The following CCDC32 variants were observed in gnomAD, a reference collection of about 807,000 sequenced individuals.
CCDC32 encodes coiled-coil domain-containing protein 32.
CCDC32 carries 9 observed loss-of-function variants against 20.1 expected under a neutral mutation model. The observed-to-expected ratio is 0.45, with a 90% CI of 0.27 to 0.78. The LOEUF is 0.78. Ranked by LOEUF, CCDC32 falls within the 30% of genes least tolerant of loss-of-function variation. CCDC32 has a pLI of 0.16. For missense variants in CCDC32, 204 were observed against 215.5 expected (o/e 0.95, Z 0.33); for synonymous variants, 63 against 79.0 (o/e 0.80, Z 1.07).
downstream of CCDC32, among the ~76,000 whole-genome samples, chr15:40,525,739 C>T (rs1319673102): frequency 6.6e-6 from 1 of 152,158 alleles, no homozygotes; most frequent in Non-Finnish European, 1.5e-5. Context: ...GCTTTGAGTG[C>T]AGAGACCCAG....
intron 2 of CCDC32, among the ~76,000 whole-genome samples, chr15:40,561,337 G>A (rs957765850): frequency 1.3e-5 from 2 of 152,140 alleles, no homozygotes; most frequent in East Asian, 3.8e-4. Flanking sequence ...GCCAGGCGTG[G>A]TGGTGGGCGA....
At chr15:40,564,624 A>T in intron 1 of CCDC32, 1 of 1,154,950 alleles carries the variant, frequency 8.7e-7, no homozygotes, top group Non-Finnish European at 1.3e-6. Context: ...TAATGCCAGG[A>T]GACAGAGCCC....
downstream of CCDC32, chr15:40,537,967 C>T (rs1889199516): frequency 6.6e-6 from 1 of 152,160 alleles, no homozygotes; most frequent in Non-Finnish European, 1.5e-5. Flanking sequence ...AAAGCTGGAG[C>T]TTCAGTAATG....
At chr15:40,555,799 C>T (rs927387457) in intron 3 of CCDC32, among the ~76,000 whole-genome samples, 5 of 152,196 alleles carry the variant, frequency 3.3e-5, no homozygotes, top group Non-Finnish European at 4.4e-5. Flanking sequence ...ATTCTCAACA[C>T]CAATGTCCAT....
rs1889579980 is a variant in CCDC32 at position 40,545,471 on chromosome 15, A to C, written c.402-6116T>G. On this transcript the variant is annotated intron_variant, in intron 3 of 3. Transcript: ENST00000558113. ...GAGTCAGTTTGTTTGGGAAAAGAAA[A>C]CCTTTAGAGCAATGTGTGACACAAC... Among the ~76,000 whole-genome samples, 2 of 31,556 alleles carry C rather than the reference A, an allele frequency of 6.3e-5. 1 individual carries two copies. Among genetic ancestry groups the C allele is most frequent in the South Asian group, 2.2e-3 (2 of 890 alleles). 20.7% of individuals were successfully genotyped at this position (31,556 alleles called of 152,430 possible).
downstream of CCDC32, chr15:40,553,054 A>T (rs1384364731): frequency 2.1e-6 from 2 of 943,346 alleles, no homozygotes; most frequent in East Asian, 2.3e-4. Context: ...GCCTGGGAAC[A>T]TCCTTCCAGG....
chr15:40,542,224 T>G (rs1889423758), intron 3 of CCDC32, among the ~76,000 whole-genome samples: 1 of 152,238 alleles, frequency 6.6e-6, no homozygotes, highest in South Asian at 2.1e-4. Flanking sequence ...TTCTTAACAC[T>G]GAATGGTAAT....
chr15:40,555,759 C>T (rs918467345), intron 3 of CCDC32, among the ~76,000 whole-genome samples: 3 of 152,174 alleles, frequency 2.0e-5, no homozygotes, highest in Non-Finnish European at 4.4e-5. Context: ...GTCCTGATTT[C>T]GGCAGCAGTA....
the CCDC32 span, among the ~76,000 whole-genome samples, chr15:40,523,164 G>C: frequency 2.0e-5 from 3 of 151,602 alleles, no homozygotes; most frequent in Non-Finnish European, 2.9e-5. Context: ...GGGATTACAA[G>C]AGTGAGCCAC....
intron 2 of CCDC32, among the ~76,000 whole-genome samples, chr15:40,560,164 C>A (rs1484136796): frequency 6.6e-6 from 1 of 152,136 alleles, no homozygotes; most frequent in African/African-American, 2.4e-5. Flanking sequence ...TGTGCGCCAC[C>A]ACGCCCAGCT....
chr15:40,561,480 A>AC (rs940723071), intron 2 of CCDC32, among the ~76,000 whole-genome samples: 17 of 151,462 alleles, frequency 1.1e-4, no homozygotes, highest in African/African-American at 3.9e-4. Flanking sequence ...CTCAAAAAAA[A>AC]AAAACAAAAC....
chr15:40,530,270 G>C (rs1167417502), downstream of CCDC32, among the ~76,000 whole-genome samples: 1 of 122,588 alleles, frequency 8.2e-6, no homozygotes, highest in Non-Finnish European at 1.6e-5. Flanking sequence ...TCCAGCCTGG[G>C]CAACGAGCGA....
At chr15:40,526,085 C>G (rs191755115), downstream of CCDC32, among the ~76,000 whole-genome samples, 410 of 152,186 alleles carry the variant, frequency 2.7e-3, 6 homozygotes, top group Non-Finnish European at 9.3e-4. Context: ...CTGTGTGGGC[C>G]CACTGCGGCC....
chr15:40,522,896 C>T, the CCDC32 span, among the ~76,000 whole-genome samples: 1 of 147,252 alleles, frequency 6.8e-6, no homozygotes, highest in African/African-American at 2.5e-5. Context: ...GGCGCAGTCT[C>T]ACTCACTGCA....
intron 3 of CCDC32, among the ~76,000 whole-genome samples, chr15:40,539,880 A>ACACACACC (rs769226221): frequency 1.3e-4 from 18 of 139,140 alleles, no homozygotes; most frequent in East Asian, 2.0e-4. Context: ...ACACACACAC[A>ACACACACC]CCCCGCTCCT....
downstream of CCDC32, among the ~76,000 whole-genome samples, chr15:40,550,417 A>C (rs1257299914): frequency 1.3e-5 from 2 of 152,220 alleles, no homozygotes; most frequent in Admixed American, 1.3e-4. Context: ...ATTTTAGGCC[A>C]ATACTATTTT....
chr15:40,557,446 T>C, intron 2 of CCDC32, 74 bp from the exon 3 acceptor site: 1 of 1,472,944 alleles, frequency 6.8e-7, no homozygotes, highest in Non-Finnish European at 9.1e-7. Flanking sequence ...AAACTCAAAA[T>C]ACTAACTTAA....
In CCDC32 at chr15:40,544,146, C is replaced by G. The variant is rs148737462; in HGVS notation, c.402-4791G>C. Among the ~76,000 whole-genome samples the G allele has an allele frequency of 5.9e-3, 893 of 152,228 alleles. 7 individuals carry two copies. The highest frequency in any genetic ancestry group is 0.02 in the African/African-American group (839 of 41,526). On this transcript the variant is annotated intron_variant, in intron 3 of 3. Coordinates refer to the CCDC32 transcript ENST00000558113. ...TGTACCCCTAACCATAGATCTTGCC[C>G]TTGTCATAGTCAGTGCTCCAATGAT...
At chr15:40,560,347 C>T (rs1450487750) in intron 2 of CCDC32, among the ~76,000 whole-genome samples, 1 of 151,816 alleles carries the variant, frequency 6.6e-6, no homozygotes, top group Non-Finnish European at 1.5e-5. Flanking sequence ...AAAGTAAATG[C>T]AACAATAACA....
Sources: gnomAD v4.1 joint callset for allele counts (sites outside exome capture counted in the v4.1 genomes callset) on GRCh38, gnomAD v4.1.1 for gene constraint, MANE v1.5 for transcripts, NCBI Gene and HGNC (gene_info 2026-07-23, HGNC 2026-07-21) for gene names.